CTNND2: variants seen among roughly 807,000 people sequenced by gnomAD.
CTNND2 encodes catenin delta 2, also known as catenin delta-2.
A neutral mutation model predicts 144.4 loss-of-function variants in CTNND2; 22 were observed. The ratio of observed to expected loss-of-function variants is 0.15; its 90% CI spans 0.11 to 0.22. The LOEUF (loss-of-function observed/expected upper bound fraction) is 0.22, where lower values mean the gene tolerates loss of function less well. Ranked by LOEUF, CTNND2 falls within the 10% of genes least tolerant of loss-of-function variation. The pLI, the probability that CTNND2 is intolerant of heterozygous loss-of-function variation, is 1.00. For synonymous variants in CTNND2, 751 were observed against 695.6 expected (o/e 1.08, Z -1.25); for missense variants, 1,353 against 1,618.8 (o/e 0.84, Z 2.82).
chr5:11,644,546 C>T (rs568212077), intron 2 of CTNND2, among the ~76,000 whole-genome samples: 26 of 151,886 alleles, frequency 1.7e-4, no homozygotes, highest in African/African-American at 6.0e-4. Context: ...TGGTGGCGGG[C>T]GCCTGTAGTC....
intron 12 of CTNND2, among the ~76,000 whole-genome samples, chr5:11,125,809 C>G (rs1754616827): frequency 6.6e-6 from 1 of 152,302 alleles, no homozygotes; most frequent in East Asian, 1.9e-4. Flanking sequence ...CTTCGCTTTC[C>G]CTTAAGGAAA....
intron 11 of CTNND2, among the ~76,000 whole-genome samples, chr5:11,166,125 G>A (rs1759299959): frequency 6.6e-6 from 1 of 151,962 alleles, no homozygotes; most frequent in South Asian, 2.1e-4. Context: ...AGTGAATTAA[G>A]GCATCTACTT....
chr5:11,649,610 T>C (rs1176700971), intron 2 of CTNND2, among the ~76,000 whole-genome samples: 1 of 152,178 alleles, frequency 6.6e-6, no homozygotes, highest in Admixed American at 6.5e-5. Context: ...CCACTGCACC[T>C]GGCCATAAAG....
At chr5:11,107,451 G>C (rs777054485) in intron 14 of CTNND2, among the ~76,000 whole-genome samples, 1 of 152,154 alleles carries the variant, frequency 6.6e-6, no homozygotes, top group Admixed American at 6.5e-5. Flanking sequence ...AGCAGGCAAC[G>C]TGTGAGGCTC....
intron 18 of CTNND2, among the ~76,000 whole-genome samples, chr5:10,996,260 T>C (rs1245373043): frequency 2.0e-5 from 3 of 151,582 alleles, no homozygotes; most frequent in South Asian, 2.1e-4. Flanking sequence ...GGGAGGAAAA[T>C]GTAGGTGCTA....
chr5:11,596,213 G>A (rs1581583482), intron 2 of CTNND2, among the ~76,000 whole-genome samples: 1 of 152,134 alleles, frequency 6.6e-6, no homozygotes, highest in Non-Finnish European at 1.5e-5. Context: ...AACTCGACTT[G>A]TTTGACTACT....
At chr5:11,793,683 A>T (rs1791254716) in intron 1 of CTNND2, among the ~76,000 whole-genome samples, 1 of 152,306 alleles carries the variant, frequency 6.6e-6, no homozygotes, top group East Asian at 1.9e-4. Flanking sequence ...AGCATGGCAC[A>T]GCTGACACCT....
intron 16 of CTNND2, among the ~76,000 whole-genome samples, chr5:11,058,609 C>G (rs1007630218): frequency 6.6e-6 from 1 of 152,220 alleles, no homozygotes; most frequent in African/African-American, 2.4e-5. Context: ...TGGGAGCCCA[C>G]ACACAGAGTC....
At chr5:11,221,782 T>C (rs1385112348) in intron 10 of CTNND2, among the ~76,000 whole-genome samples, 4 of 152,184 alleles carry the variant, frequency 2.6e-5, no homozygotes, top group African/African-American at 9.7e-5. Flanking sequence ...TAGAGATTTT[T>C]ACTTGGAAAC....
At chr5:11,764,624 A>G (rs1296489379) in intron 1 of CTNND2, among the ~76,000 whole-genome samples, 1 of 152,124 alleles carries the variant, frequency 6.6e-6, no homozygotes, top group Non-Finnish European at 1.5e-5. Flanking sequence ...TATGGTTCCA[A>G]CATGTGACTT....
intron 18 of CTNND2, among the ~76,000 whole-genome samples, chr5:11,004,495 G>T (rs11747657): frequency 7.4e-4 from 113 of 152,296 alleles, no homozygotes; most frequent in Non-Finnish European, 1.3e-3. Context: ...CGGGCGCAGT[G>T]GCTAATGCCT....
chr5:10,983,163 T>C (rs2149488402), intron 20 of CTNND2, among the ~76,000 whole-genome samples: 1 of 152,350 alleles, frequency 6.6e-6, no homozygotes, highest in Middle Eastern at 3.4e-3. Context: ...AATTGGGATG[T>C]TCCTAACATA....
chr5:11,078,630 A>C (rs1271412811), intron 16 of CTNND2, among the ~76,000 whole-genome samples: 2 of 152,206 alleles, frequency 1.3e-5, no homozygotes, highest in Non-Finnish European at 2.9e-5. Flanking sequence ...AAAGAAAAAA[A>C]ACACACATAC....
At chr5:11,135,102 C>T (rs1226707383) in intron 12 of CTNND2, among the ~76,000 whole-genome samples, 1 of 152,172 alleles carries the variant, frequency 6.6e-6, no homozygotes, top group Non-Finnish European at 1.5e-5. Context: ...AAATTGTGCA[C>T]TTAACCAGCT....
intron 11 of CTNND2, among the ~76,000 whole-genome samples, chr5:11,182,583 C>T (rs749316962): frequency 1.4e-4 from 21 of 152,040 alleles, no homozygotes; most frequent in Non-Finnish European, 1.5e-5. Flanking sequence ...CTCAACTTCC[C>T]GCCCTCAACT....
intron 16 of CTNND2, among the ~76,000 whole-genome samples, chr5:11,080,254 AC>A (rs61757078): frequency 0.022 from 3,363 of 152,310 alleles, 136 homozygotes; most frequent in African/African-American, 0.077. Context: ...GCAAATTCAA[AC>A]CACAATAAGT....
intron 12 of CTNND2, among the ~76,000 whole-genome samples, chr5:11,153,012 C>T (rs1757884168): frequency 6.6e-6 from 1 of 152,098 alleles, no homozygotes; most frequent in Non-Finnish European, 1.5e-5. Context: ...TCCTGTAATC[C>T]CAGCACTTTG....
intron 8 of CTNND2, among the ~76,000 whole-genome samples, chr5:11,353,380 G>T (rs61484494): frequency 1.3e-5 from 2 of 152,032 alleles, no homozygotes; most frequent in Admixed American, 1.3e-4. Context: ...GTGAGGGCAG[G>T]CCTGGTTAAT....
chr5:11,720,599 ATATGT>A (rs1253796938), intron 2 of CTNND2, among the ~76,000 whole-genome samples: 6 of 152,294 alleles, frequency 3.9e-5, no homozygotes, highest in African/African-American at 1.4e-4. Context: ...CACCTGCAAC[ATATGT>A]AACTTGGTTT....
Sources: allele counts gnomAD v4.1 joint callset (sites outside exome capture counted in the v4.1 genomes callset), GRCh38; gene constraint gnomAD v4.1.1; transcripts MANE v1.5; gene names NCBI Gene and HGNC (gene_info 2026-07-23, HGNC 2026-07-21).